CLDN10: variants seen among roughly 807,000 people sequenced by gnomAD.
CLDN10 encodes claudin-10.
Under a neutral mutation model 22.9 loss-of-function variants are expected in CLDN10, and 15 were observed. That is an observed-to-expected ratio of 0.65 (90% CI 0.44 to 1.01). The LOEUF (loss-of-function observed/expected upper bound fraction) is 1.01. Ranked by LOEUF, CLDN10 falls within the 50% of genes least tolerant of loss-of-function variation. CLDN10 has a pLI of 0.00. For synonymous variants in CLDN10, 114 were observed against 111.4 expected (o/e 1.02, Z -0.15); for missense variants, 247 against 287.8 (o/e 0.86, Z 1.03).
upstream of CLDN10, among the ~76,000 whole-genome samples, chr13:95,550,812 G>A (rs960958827): frequency 1.9e-4 from 27 of 142,264 alleles, no homozygotes; most frequent in African/African-American, 6.7e-4. Context: ...GAAGAGGTTA[G>A]GAAGATACTT....
At chr13:95,444,125 G>T (rs2042349540) in intron 1 of CLDN10, among the ~76,000 whole-genome samples, 1 of 152,192 alleles carries the variant, frequency 6.6e-6, no homozygotes, top group African/African-American at 2.4e-5. Context: ...CCATCTGGCT[G>T]TCTCCACCGC....
At chr13:95,506,377 T>C (rs558038994) in intron 1 of CLDN10, among the ~76,000 whole-genome samples, 2 of 152,206 alleles carry the variant, frequency 1.3e-5, no homozygotes, top group South Asian at 2.1e-4. Flanking sequence ...AGCCAGTCAG[T>C]GCAGGAAGAA....
chr13:95,457,143 T>C (rs542148167), intron 1 of CLDN10, among the ~76,000 whole-genome samples: 2 of 152,342 alleles, frequency 1.3e-5, no homozygotes, highest in African/African-American at 4.8e-5. Flanking sequence ...TGTTGTTGTG[T>C]ATGCATTTGC....
chr13:95,451,753 C>T (rs1030737975), intron 1 of CLDN10, among the ~76,000 whole-genome samples: 7 of 152,198 alleles, frequency 4.6e-5, no homozygotes, highest in African/African-American at 1.4e-4. Context: ...AAAATCCAGG[C>T]TGTATTCATG....
chr13:95,453,694 G>GA (rs71292898), intron 1 of CLDN10, among the ~76,000 whole-genome samples: 33,900 of 138,786 alleles, frequency 0.24, 4,302 homozygotes, highest in Non-Finnish European at 0.32. Context: ...AAAAGAAAAA[G>GA]AAAAAAAAAA....
upstream of CLDN10, among the ~76,000 whole-genome samples, chr13:95,551,894 A>T (rs1412954767): frequency 6.6e-6 from 1 of 152,210 alleles, no homozygotes. Context: ...TTTAAAAAAA[A>T]ATAAAAGACA....
intron 1 of CLDN10, among the ~76,000 whole-genome samples, chr13:95,463,254 A>T (rs1167426312): frequency 7.6e-6 from 1 of 132,034 alleles, no homozygotes; most frequent in Non-Finnish European, 1.6e-5. Context: ...CTGTATATAT[A>T]CATATAGTTG....
chr13:95,465,883 G>T (rs1263224226), intron 1 of CLDN10, among the ~76,000 whole-genome samples: 2 of 152,092 alleles, frequency 1.3e-5, no homozygotes, highest in African/African-American at 4.8e-5. Context: ...CTTGGATTTT[G>T]TCAAATGTAT....
At chr13:95,552,541 G>A (rs1449203643), upstream of CLDN10, among the ~76,000 whole-genome samples, 4 of 152,158 alleles carry the variant, frequency 2.6e-5, no homozygotes, top group Non-Finnish European at 5.9e-5. Flanking sequence ...TGGAGAACCC[G>A]GGGGGCGACC....
At chr13:95,489,752 T>G (rs894105870) in intron 1 of CLDN10, among the ~76,000 whole-genome samples, 24 of 152,342 alleles carry the variant, frequency 1.6e-4, no homozygotes, top group African/African-American at 5.8e-4. Flanking sequence ...TTGTTTTTAT[T>G]GCATTTGTTT....
At chr13:95,442,573 C>T (rs1490962265) in intron 1 of CLDN10, among the ~76,000 whole-genome samples, 1 of 152,166 alleles carries the variant, frequency 6.6e-6, no homozygotes, top group Non-Finnish European at 1.5e-5. Context: ...GTTCTAATAG[C>T]TTGGAATGGG....
intron 1 of CLDN10, among the ~76,000 whole-genome samples, chr13:95,543,417 G>A (rs1388483649): frequency 6.6e-6 from 1 of 152,066 alleles, no homozygotes; most frequent in Non-Finnish European, 1.5e-5. Flanking sequence ...CAAGAGTCTT[G>A]AAAGTCAGAA....
At chr13:95,498,175 C>T (rs915499850) in intron 1 of CLDN10, among the ~76,000 whole-genome samples, 1 of 152,272 alleles carries the variant, frequency 6.6e-6, no homozygotes, top group South Asian at 2.1e-4. Flanking sequence ...CTTGGAGCTG[C>T]CAGGCAGCCC....
chr13:95,539,807 A>G (rs1380031948), intron 1 of CLDN10, among the ~76,000 whole-genome samples: 2 of 152,188 alleles, frequency 1.3e-5, no homozygotes, highest in Non-Finnish European at 2.9e-5. Context: ...GCAACATCCC[A>G]TAGAGTACAG....
In CLDN10 at chr13:95,463,285, A is replaced by ATATATAT. The variant is rs1555288952; in HGVS notation, c.214+29238_214+29239insTATATAT. Among the ~76,000 whole-genome samples, 35 of 40,092 alleles carry ATATATAT rather than the reference A, an allele frequency of 8.7e-4. 1 individual carries two copies. Among genetic ancestry groups the ATATATAT allele is most frequent in the Non-Finnish European group, 1.0e-3 (20 of 19,256 alleles). The allele number at this position is 40,092 out of a possible 152,430, so 26.3% of individuals were successfully genotyped here. ...AGTTGAGTCAAAAGTGCAAATGCTT[A>ATATATAT]ATATATATATATATATATATATATA... On this transcript the variant is annotated intron_variant, in intron 1 of 4. Transcript: ENST00000376873.
intron 1 of CLDN10, among the ~76,000 whole-genome samples, chr13:95,490,373 T>C (rs2042860022): frequency 1.3e-5 from 2 of 152,196 alleles, no homozygotes; most frequent in African/African-American, 4.8e-5. Flanking sequence ...TTCCATTTGT[T>C]TGTGTCATCT....
intron 1 of CLDN10, among the ~76,000 whole-genome samples, chr13:95,463,284 TAA>T (rs1491390929): frequency 3.1e-5 from 1 of 32,586 alleles, no homozygotes; most frequent in East Asian, 6.7e-4. Context: ...TGCAAATGCT[TAA>T]TATATATATA....
intron 1 of CLDN10, among the ~76,000 whole-genome samples, chr13:95,451,644 C>T (rs570270733): frequency 3.0e-4 from 45 of 152,348 alleles, no homozygotes; most frequent in African/African-American, 1.1e-3. Context: ...ATTGTGGTTA[C>T]TTGTGCACTT....
At chr13:95,550,312 C>A (rs894527737), upstream of CLDN10, among the ~76,000 whole-genome samples, 6 of 152,124 alleles carry the variant, frequency 3.9e-5, no homozygotes, top group Non-Finnish European at 7.4e-5. Flanking sequence ...TTCTTTAAAA[C>A]AAACAATGTG....
Sources: gnomAD v4.1 joint callset for allele counts (sites outside exome capture counted in the v4.1 genomes callset) on GRCh38, gnomAD v4.1.1 for gene constraint, MANE v1.5 for transcripts, NCBI Gene and HGNC (gene_info 2026-07-23, HGNC 2026-07-21) for gene names.